CFAP61: variants seen among roughly 807,000 people sequenced by gnomAD.
CFAP61 encodes cilia and flagella associated protein 61.
Under a neutral mutation model 135.6 loss-of-function variants are expected in CFAP61, and 107 were observed. That is an observed-to-expected ratio of 0.79 (90% CI 0.67 to 0.93). CFAP61 has a LOEUF of 0.93. CFAP61 is among the 40% of genes least tolerant of loss of function. CFAP61 has a pLI of 0.00. For synonymous variants in CFAP61, 575 were observed against 578.5 expected (o/e 0.99, Z 0.09); for missense variants, 1,507 against 1,556.2 (o/e 0.97, Z 0.53).
Position 20,166,401 on chromosome 20 carries a change from C to G in CFAP61, c.1210C>G (p.Leu404Val), listed in dbSNP as rs766296300. Residue 404 changes from leucine to valine, a missense_variant, in exon 12 of 27, where the codon CTG (leucine) becomes GTG (valine). Leu to Val is a conservative substitution (Grantham distance 32, BLOSUM62 1). Coordinates refer to ENST00000245957, the MANE Select transcript of CFAP61 (RefSeq NM_015585.4). ...CIDEKYEARS[L>V]DFMNFVFSLF... ...TGCTTACTGTCTTGTTTACAGGTCG[C>G]TGGATTTTATGAATTTTGTTTTCAG... The G allele has an allele frequency of 6.2e-7, 1 of 1,613,708 alleles. No individual in the cohort carries two copies. Among genetic ancestry groups the G allele is most frequent in the Non-Finnish European group, 8.5e-7 (1 of 1,179,742 alleles).
rs576274433 is a variant in CFAP61, at chr20:20,056,619, G to T, written c.-35G>T. On this transcript the variant is annotated splice_region_variant and 5_prime_UTR_variant, in exon 2 of 27. An upstream open reading frame in the 5' UTR gains an earlier in-frame stop. Coordinates refer to ENST00000245957, the MANE Select transcript of CFAP61 (RefSeq NM_015585.4). Reference sequence around the variant, plus strand: ...TGGCTTATCATATCAGATTAATAGTGGACTTTTTTCTCTCTTTTGGGGACA... The same window carrying T: ...TGGCTTATCATATCAGATTAATAGTTGACTTTTTTCTCTCTTTTGGGGACA... The T allele has an allele frequency of 1.0e-5, 16 of 1,607,416 alleles. No homozygotes were observed. In the East Asian group the frequency reaches 2.2e-4, roughly 22 times the overall value.
chr20:20,296,506 C>CCCTTCCTTCCTT (rs1043819457), intron 24 of CFAP61, among the ~76,000 whole-genome samples: 1 of 148,158 alleles, frequency 6.7e-6, no homozygotes, highest in Non-Finnish European at 1.5e-5. Flanking sequence ...CTTCTTTACT[C>CCCTTCCTTCCTT]CCTTCCTTCC....
chr20:20,085,019 C>G, intron 6 of CFAP61: 1 of 682,088 alleles, frequency 1.5e-6, no homozygotes, highest in East Asian at 1.3e-4. Context: ...CATTGCTGCC[C>G]CCTCCAAGAC....
chr20:20,180,690 A>G (rs1418022539), intron 13 of CFAP61, among the ~76,000 whole-genome samples: 1 of 152,222 alleles, frequency 6.6e-6, no homozygotes, highest in East Asian at 1.9e-4. Context: ...AAATCATTCT[A>G]AGGACACATA....
chr20:20,095,426 G>A (rs1205183275), intron 7 of CFAP61, among the ~76,000 whole-genome samples: 1 of 152,256 alleles, frequency 6.6e-6, no homozygotes, highest in East Asian at 1.9e-4. Flanking sequence ...TCCAGGCCAG[G>A]CATGCAGCAT....
At chr20:20,092,630 A>G (rs534198984) in intron 7 of CFAP61, among the ~76,000 whole-genome samples, 160 of 152,300 alleles carry the variant, frequency 1.1e-3, no homozygotes, top group African/African-American at 3.7e-3. Context: ...AACTCTCACA[A>G]CAATAGAAAA....
intron 20 of CFAP61, chr20:20,253,516 G>T: frequency 2.2e-6 from 1 of 448,414 alleles, no homozygotes; most frequent in South Asian, 1.7e-5. Context: ...TATGCTCAAT[G>T]ACCAGAGAAT....
chr20:20,138,538 T>C (rs1486602533), intron 8 of CFAP61, among the ~76,000 whole-genome samples: 2 of 151,806 alleles, frequency 1.3e-5, no homozygotes, highest in African/African-American at 4.9e-5. Context: ...TCTCCCCAAG[T>C]GTACAGATTT....
intron 8 of CFAP61, among the ~76,000 whole-genome samples, chr20:20,131,575 A>AAAATCAAC (rs2050528543): frequency 6.6e-6 from 1 of 152,060 alleles, no homozygotes; most frequent in African/African-American, 2.4e-5. Context: ...GTCTTTTCAA[A>AAAATCAAC]AAATCAACTT....
chr20:20,082,342 G>T (rs570323051), intron 6 of CFAP61, among the ~76,000 whole-genome samples: 1 of 152,344 alleles, frequency 6.6e-6, no homozygotes, highest in African/African-American at 2.4e-5. Flanking sequence ...GTAATCCCCT[G>T]TCCTGTTTCT....
At chr20:20,164,292 AT>A in intron 11 of CFAP61, 64 bp downstream of exon 11, 8 of 1,497,912 alleles carry the variant, frequency 5.3e-6, no homozygotes, top group Non-Finnish European at 7.2e-6. Context: ...GTGGCCCAAC[AT>A]TTTAACTTTA....
intron 2 of CFAP61, chr20:20,069,845 G>C: frequency 2.3e-6 from 1 of 429,730 alleles, no homozygotes; most frequent in South Asian, 1.7e-5. Context: ...TCTCCTCTCC[G>C]CCTCTTCCTC....
At chr20:20,070,086 G>A (rs1021702150) in intron 2 of CFAP61, among the ~76,000 whole-genome samples, 1 of 152,156 alleles carries the variant, frequency 6.6e-6, no homozygotes, top group Non-Finnish European at 1.5e-5. Flanking sequence ...GCCTTGATGG[G>A]CCACAAGACA....
intron 25 of CFAP61, among the ~76,000 whole-genome samples, chr20:20,316,196 G>C (rs1248361667): frequency 6.6e-6 from 1 of 152,026 alleles, no homozygotes; most frequent in African/African-American, 2.4e-5. Context: ...CCATTTGTTT[G>C]TATCCTCATT....
At chr20:20,164,803 A>G (rs2053688174) in intron 11 of CFAP61, among the ~76,000 whole-genome samples, 1 of 152,246 alleles carries the variant, frequency 6.6e-6, no homozygotes, top group Non-Finnish European at 1.5e-5. Context: ...TTTATAAAGA[A>G]AAAGAGGTTT....
intron 7 of CFAP61, among the ~76,000 whole-genome samples, chr20:20,097,766 T>C (rs1445263848): frequency 6.6e-6 from 1 of 152,246 alleles, no homozygotes; most frequent in Non-Finnish European, 1.5e-5. Flanking sequence ...GACTCAAGTT[T>C]ACTTCACTGG....
chr20:20,172,002 A>G (rs2054258521), intron 13 of CFAP61: 2 of 392,894 alleles, frequency 5.1e-6, no homozygotes, highest in South Asian at 1.0e-4. Context: ...CTCTGTTCAT[A>G]TTATGTGATC....
At chr20:20,280,459 GA>G (rs1375234836) in intron 22 of CFAP61, among the ~76,000 whole-genome samples, 2 of 152,152 alleles carry the variant, frequency 1.3e-5, no homozygotes, top group African/African-American at 4.8e-5. Context: ...CCTAGGAAAC[GA>G]AAGCAGATGA....
At chr20:20,284,064 A>G (rs896744223) in intron 22 of CFAP61, among the ~76,000 whole-genome samples, 18 of 151,994 alleles carry the variant, frequency 1.2e-4, no homozygotes, top group African/African-American at 3.9e-4. Flanking sequence ...TATCCTTTCT[A>G]TCTCTGCATT....
Sources: gnomAD v4.1 joint callset for allele counts (sites outside exome capture counted in the v4.1 genomes callset) on GRCh38, gnomAD v4.1.1 for gene constraint, MANE v1.5 for transcripts, NCBI Gene and HGNC (gene_info 2026-07-23, HGNC 2026-07-21) for gene names.